Variants in ZNF585A observed in about 807,000 individuals in gnomAD.
ZNF585A encodes the protein zinc finger protein 585A.
ZNF585A carries 9 observed loss-of-function variants against 14.9 expected under a neutral mutation model. The observed-to-expected ratio is 0.60, with a 90% confidence interval of 0.36 to 1.05. The LOEUF (loss-of-function observed/expected upper bound fraction) is 1.05, where lower values mean the gene tolerates loss of function less well. Ranked by LOEUF, ZNF585A falls within the 50% of genes least tolerant of loss-of-function variation. The pLI, the probability that ZNF585A is intolerant of heterozygous loss-of-function variation, is 0.01. For synonymous variants in ZNF585A, 276 were observed against 319.9 expected (o/e 0.86, Z 1.46); for missense variants, 726 against 926.4 (o/e 0.78, Z 2.81).
chr19:37,149,908 G>A lies in ZNF585A; in HGVS notation c.*1681C>T, dbSNP rs867087133. The stretch of plus-strand genomic sequence containing the variant: ...GCAAACATGGAGATGCAATCTTGGG[G>A]GAAGTACAGTAGCCAAGGGTGACTA... On this transcript the variant is annotated 3_prime_UTR_variant, in exon 5 of 5. Coordinates refer to ENST00000292841, the MANE Select transcript of ZNF585A (RefSeq NM_001288800.2). 6.6e-6 allele frequency: 1 copy of A among 152,202 alleles called. No individual in the cohort carries two copies. The highest frequency in any genetic ancestry group is 1.5e-5 in the Non-Finnish European group (1 of 68,098). The allele number at this position is 152,202 out of a possible 1,614,324, so 9.4% of individuals were successfully genotyped here.
chr19:37,151,849 G>C lies in ZNF585A; in HGVS notation c.2050C>G (p.His684Asp), dbSNP rs779592871. The C allele has an allele frequency of 6.2e-7, 1 of 1,612,188 alleles. No individual in the cohort carries two copies. Among genetic ancestry groups the C allele is most frequent in the South Asian group, 1.1e-5 (1 of 90,970 alleles). The change falls in exon 5 of 5, where the codon CAT becomes GAT. Residue 684 changes from histidine (H) to aspartate (D), a missense_variant. Around this residue, in one of 2 missense-constraint regions of ZNF585A, gnomAD observed 243 missense variants for 383.6 expected, o/e 0.63. Coordinates refer to ENST00000292841, the MANE Select transcript of ZNF585A (RefSeq NM_001288800.2). ...CACTCATAAGGTTTCTCTCCAGTAT[G>C]AATTCTGTGATGTGTAATCAACTCT... ...KSELITHHRI[H>D]TGEKPYECSD...
At position 37,147,604 on chromosome 19, in the gene ZNF585A, T is replaced by C. The variant is rs1000599630; in HGVS notation, c.*3985A>G. ...AAAACATATACTATAAAACAGGTAC[T>C]ATTATATAAAATACAAACTATTTTA... On this transcript the variant is annotated 3_prime_UTR_variant, in exon 5 of 5. Transcript: ENST00000292841. 6.6e-6 allele frequency: 1 copy of C among 152,192 alleles called. No homozygotes were observed. The highest frequency in any genetic ancestry group is 1.5e-5 in the Non-Finnish European group (1 of 68,022). 9.4% of individuals were successfully genotyped at this position (152,192 alleles called of 1,614,324 possible). A position where few individuals can be genotyped will look rare whatever the true frequency, so the allele number is the denominator to read the frequency against.
chr19:37,166,365 G>A (rs1972091085), intron 2 of ZNF585A, among the ~76,000 whole-genome samples: 1 of 147,500 alleles, frequency 6.8e-6, no homozygotes, highest in South Asian at 2.1e-4. Context: ...TGTCCCCCAG[G>A]CTGGAGTGCA....
chr19:37,162,204 G>A (rs780376483), intron 2 of ZNF585A, among the ~76,000 whole-genome samples: 10 of 152,218 alleles, frequency 6.6e-5, no homozygotes, highest in Non-Finnish European at 1.2e-4. Flanking sequence ...GATTACAGGC[G>A]TGAGCCACCA....
In ZNF585A at chr19:37,148,980, C is replaced by T. The variant is rs1971780813; in HGVS notation, c.*2609G>A. 1 of 151,878 alleles carries T rather than the reference C, an allele frequency of 6.6e-6. No homozygotes were observed. The highest frequency in any genetic ancestry group is 1.5e-5 in the Non-Finnish European group (1 of 67,992). The allele number at this position is 151,878 out of a possible 1,614,324, so 9.4% of individuals were successfully genotyped here. A position where few individuals can be genotyped will look rare whatever the true frequency, so the allele number is the denominator to read the frequency against. On this transcript the variant is annotated 3_prime_UTR_variant, in exon 5 of 5. Transcript: ENST00000292841. ...ACTATGGAGACAGAAAAAATGTTGC[C>T]AGGATTAGAGGAGATGAAGGGATGA...
At chr19:37,167,729 C>G (rs1972119665) in intron 2 of ZNF585A, among the ~76,000 whole-genome samples, 1 of 151,948 alleles carries the variant, frequency 6.6e-6, no homozygotes, top group Admixed American at 6.6e-5. Flanking sequence ...TCAAGTGATT[C>G]TCAGCCTCAG....
At position 37,153,072 on chromosome 19, in the gene ZNF585A, C is replaced by A. The variant is rs768336087; in HGVS notation, c.827G>T (p.Gly276Val). ...GERSYICIEC[G>V]QAFIQKTHLI... is the part of the protein sequence containing the mutation. Reference sequence around the variant, plus strand: ...ATGGGTCTTCTGGATGAAGGCCTGTCCGCATTCAATACAGATGTAGGATCT... The same window carrying A: ...ATGGGTCTTCTGGATGAAGGCCTGTACGCATTCAATACAGATGTAGGATCT... Residue 276 changes from glycine to valine, a missense_variant, in exon 5 of 5, where the codon GGA (glycine) becomes GTA (valine). Gly to Val is a moderately radical substitution (Grantham distance 109, BLOSUM62 -3). Transcript: ENST00000292841. The A allele has an allele frequency of 1.5e-5, 24 of 1,614,050 alleles. No homozygotes were observed. The South Asian group carries it at 2.6e-4, about 18-fold the overall frequency.
rs1391795498 is a variant in ZNF585A, at chr19:37,146,760, T to A, written c.*4829A>T. 6.5e-6 allele frequency: 1 copy of A among 152,788 alleles called. No individual in the cohort carries two copies. The highest frequency in any genetic ancestry group is 1.9e-4 in the East Asian group (1 of 5,188). 9.5% of individuals were successfully genotyped at this position (152,788 alleles called of 1,614,324 possible). A position where few individuals can be genotyped will look rare whatever the true frequency, so the allele number is the denominator to read the frequency against. On this transcript the variant is annotated 3_prime_UTR_variant, in exon 5 of 5. Coordinates refer to ENST00000292841, the MANE Select transcript of ZNF585A (RefSeq NM_001288800.2). ...ACTCCTGCCCCTTTCCCCCTCTATG[T>A]GACCTGCCACTGTGACCAGGAGGAG...
At chr19:37,168,089 ATTAG>A (rs1169376971) in intron 2 of ZNF585A, among the ~76,000 whole-genome samples, 2 of 152,250 alleles carry the variant, frequency 1.3e-5, no homozygotes, top group South Asian at 2.1e-4. Flanking sequence ...AAAATACATT[ATTAG>A]TTAAACAAAT....
chr19:37,154,380 C>T (rs1294290245), intron 4 of ZNF585A, among the ~76,000 whole-genome samples: 1 of 151,980 alleles, frequency 6.6e-6, no homozygotes, highest in Non-Finnish European at 1.5e-5. Context: ...TAGCTTATGA[C>T]AGGCAGAAAA....
At chr19:37,168,373 G>A (rs1290499070) in intron 2 of ZNF585A, among the ~76,000 whole-genome samples, 1 of 152,120 alleles carries the variant, frequency 6.6e-6, no homozygotes, top group Non-Finnish European at 1.5e-5. Flanking sequence ...TCTCCATGGC[G>A]CTACACAAAA....
chr19:37,161,364 T>TA (rs1045086567), intron 2 of ZNF585A, among the ~76,000 whole-genome samples: 1 of 152,098 alleles, frequency 6.6e-6, no homozygotes, highest in African/African-American at 2.4e-5. Context: ...AATTTCAAAA[T>TA]AAAAAACTGA....
In ZNF585A at chr19:37,164,743, C is replaced by T. The variant is rs535913957; in HGVS notation, c.72+5096G>A. On this transcript the variant is annotated intron_variant, in intron 2 of 4. Transcript: ENST00000292841. Reference sequence around the variant, plus strand: ...CCTAGGCTGGATGTAGTGGCAATGTCGTGGCTCACTGCAGCCTTGACAGGC... The same window carrying T: ...CCTAGGCTGGATGTAGTGGCAATGTTGTGGCTCACTGCAGCCTTGACAGGC... 1.8e-4 allele frequency among the ~76,000 whole-genome samples: 28 copies of T among 152,336 alleles called. 1 individual carries two copies. The South Asian group carries it at 4.8e-3, about 26-fold the overall frequency.
At chr19:37,153,665 T>C in intron 4 of ZNF585A, 59 bp from the exon 5 acceptor site, 3 of 1,351,162 alleles carry the variant, frequency 2.2e-6, no homozygotes, top group Non-Finnish European at 3.0e-6. Flanking sequence ...GTAATCTTTT[T>C]AACATTCTTT....
At chr19:37,169,781 A>T in intron 2 of ZNF585A, 58 bp downstream of exon 2, 2 of 1,596,874 alleles carry the variant, frequency 1.3e-6, no homozygotes, top group Non-Finnish European at 1.7e-6. Context: ...CTAGTGACAG[A>T]CCAGAGATAC....
chr19:37,147,922 C>T lies in ZNF585A; in HGVS notation c.*3667G>A, dbSNP rs911144021. On this transcript the variant is annotated 3_prime_UTR_variant, in exon 5 of 5. Coordinates refer to ENST00000292841, the MANE Select transcript of ZNF585A (RefSeq NM_001288800.2). ...TACACAATTTGTTTAATCACTCATC[C>T]ACTGATGTACATTTGTGTTACTTCC... 1.3e-5 allele frequency: 2 copies of T among 152,192 alleles called. No homozygotes were observed. Among genetic ancestry groups the T allele is most frequent in the African/African-American group, 4.8e-5 (2 of 41,458 alleles). 9.4% of individuals were successfully genotyped at this position (152,192 alleles called of 1,614,324 possible).
Position 37,169,824 on chromosome 19 carries a change from ACTC to A in ZNF585A, c.72+12_72+14del, listed in dbSNP as rs777522991. 6.9e-5 allele frequency: 111 copies of A among 1,609,988 alleles called. No homozygotes were observed. The highest frequency in any genetic ancestry group is 1.7e-6 in the Non-Finnish European group (2 of 1,179,902). Reference sequence around the variant, plus strand: ...TGGATTGAATTCCCACCCCCCTGGGACTCCTCCTTCTCACCTCATAGGAGCTGC... The same window carrying A: ...TGGATTGAATTCCCACCCCCCTGGGACTCCTTCTCACCTCATAGGAGCTGC... On this transcript the variant is annotated intron_variant, in intron 2 of 4. Coordinates refer to ENST00000292841, the MANE Select transcript of ZNF585A (RefSeq NM_001288800.2).
chr19:37,153,124 T>C lies in ZNF585A; in HGVS notation c.775A>G (p.Met259Val), dbSNP rs1274601186. ...KAFTQKSTLK[M>V]HQKIHTGERS... ...TCGCCTGTATGGATTTTCTGATGCA[T>C]CTTGAGTGTGGACTTTTGTGTGAAT... Residue 259 changes from methionine (M) to valine (V), a missense_variant, in exon 5 of 5, where the codon ATG becomes GTG. Met to Val is a conservative substitution (Grantham distance 21). Coordinates refer to ENST00000292841, the MANE Select transcript of ZNF585A (RefSeq NM_001288800.2). 6.2e-7 allele frequency: 1 copy of C among 1,614,176 alleles called. No individual in the cohort carries two copies. The highest frequency in any genetic ancestry group is 8.5e-7 in the Non-Finnish European group (1 of 1,180,016).
intron 1 of ZNF585A, chr19:37,172,251 C>A (rs1713836679): frequency 6.6e-6 from 1 of 152,076 alleles, no homozygotes; most frequent in Admixed American, 6.5e-5. Context: ...AAAGAAAAAA[C>A]CACTTAGATT....
Sources: gnomAD v4.1 joint callset for allele counts (sites outside exome capture counted in the v4.1 genomes callset) on GRCh38, gnomAD v4.1.1 for gene constraint, gnomAD v4.1.1 regional missense constraint, MANE v1.5 for transcripts, NCBI Gene and HGNC (gene_info 2026-07-23, HGNC 2026-07-21) for gene names.